HCRTR1: variants seen among roughly 807,000 people sequenced by gnomAD.
The protein encoded by HCRTR1 is orexin/Hypocretin receptor type 1.
Under a neutral mutation model 40.6 loss-of-function variants are expected in HCRTR1, and 28 were observed. That is an observed-to-expected ratio of 0.69 (90% confidence interval 0.51 to 0.95). HCRTR1 has a LOEUF of 0.95. Among genes scored for constraint, HCRTR1 ranks in the 40% least tolerant of loss-of-function variants. HCRTR1 has a pLI of 0.00. For synonymous variants in HCRTR1, 209 were observed against 230.0 expected, an observed-to-expected ratio of 0.91 and a Z score of 0.83; for missense variants, 482 against 564.7, an observed-to-expected ratio of 0.85 and a Z score of 1.48.
At chr1:31,623,416 C>A in intron 6 of HCRTR1, 107 bp from the exon 7 acceptor site, 1 of 815,748 alleles carries the variant, frequency 1.2e-6, no homozygotes, top group Non-Finnish European at 1.9e-6. Flanking sequence ...TATCCTTTTG[C>A]CCATCTCCAC....
Position 31,626,664 on chromosome 1 carries a change from A to AT in HCRTR1, c.1088-125dup. On this transcript the variant is annotated intron_variant, in intron 8 of 8. Coordinates refer to ENST00000403528, the MANE Select transcript of HCRTR1 (RefSeq NM_001525.3). This position sits in a 1 kb window ranked among gnomAD's most constrained non-coding sequence, Gnocchi z 4.6. The stretch of plus-strand genomic sequence containing the variant: ...CCTCAGGGCTCTCCCTCCCAGCTCT[A>AT]TCCCTCCCTCCCTCCCCGCCCCCTC... 2 of 845,618 alleles carry AT rather than the reference A, an allele frequency of 2.4e-6. No individual in the cohort carries two copies. Among genetic ancestry groups the AT allele is most frequent in the African/African-American group, 1.7e-5 (1 of 58,488 alleles). 52.4% of individuals were successfully genotyped at this position (845,618 alleles called of 1,614,324 possible).
chr1:31,628,685 G>A (rs545690478), downstream of HCRTR1, among the ~76,000 whole-genome samples: 37 of 152,336 alleles, frequency 2.4e-4, no homozygotes, highest in African/African-American at 7.5e-4. Context: ...ATGGCTGCAC[G>A]CTCTGCTGGC....
At chr1:31,623,324 AAAATG>A (rs1639900760) in intron 6 of HCRTR1, among the ~76,000 whole-genome samples, 194 bp from the exon 7 acceptor site, 1 of 152,006 alleles carries the variant, frequency 6.6e-6, no homozygotes, top group Non-Finnish European at 1.5e-5. Context: ...AAAAGAAAAG[AAAATG>A]AAAGTCTATC....
chr1:31,633,271 G>A (rs1386079715), downstream of HCRTR1: 2 of 1,614,070 alleles, frequency 1.2e-6, no homozygotes, highest in Admixed American at 3.3e-5. Context: ...CCACCGACTG[G>A]AACCAGGAGT....
At chr1:31,630,627 A>C, downstream of HCRTR1, 1 of 1,612,400 alleles carries the variant, frequency 6.2e-7, no homozygotes, top group Non-Finnish European at 8.5e-7. Flanking sequence ...AGCATCCGAG[A>C]AGCTGTCATG....
At chr1:31,619,775 A>G in intron 4 of HCRTR1, 65 bp downstream of exon 4, 1 of 1,463,280 alleles carries the variant, frequency 6.8e-7, no homozygotes, top group Non-Finnish European at 9.2e-7. Context: ...ACGGCCTTGC[A>G]TAGGTCTCAG....
At chr1:31,619,754 G>A (rs1188429054) in intron 4 of HCRTR1, 44 bp downstream of exon 4, 15 of 1,539,638 alleles carry the variant, frequency 9.7e-6, no homozygotes, top group Non-Finnish European at 1.3e-5. Context: ...TGTCACGCCT[G>A]TAAAAAACCC....
Position 31,623,709 on chromosome 1 carries a change from C to T in HCRTR1, c.925C>T (p.Leu309Phe). 6.2e-7 allele frequency: 1 copy of T among 1,614,186 alleles called. No homozygotes were observed. The highest frequency in any genetic ancestry group is 8.5e-7 in the Non-Finnish European group (1 of 1,180,036). Reference sequence around the variant, plus strand: ...GATGGTGGTGCTGCTGGTCTTCGCCCTCTGCTACCTGCCCATCAGCGTCCT... The same window carrying T: ...GATGGTGGTGCTGCTGGTCTTCGCCTTCTGCTACCTGCCCATCAGCGTCCT... ...MLMVVLLVFA[L>F]CYLPISVLNV... Residue 309 changes from leucine to phenylalanine, a missense_variant, in exon 7 of 9, where the codon CTC becomes TTC. Physicochemically the swap from Leu to Phe is conservative, Grantham distance 22. Coordinates refer to ENST00000403528, the MANE Select transcript of HCRTR1 (RefSeq NM_001525.3).
intron 7 of HCRTR1, 138 bp downstream of exon 7, chr1:31,623,887 C>G (rs1257824899): frequency 1.6e-6 from 1 of 636,490 alleles, no homozygotes; most frequent in East Asian, 2.8e-5. Context: ...CTCTGAGCCT[C>G]CATCTCCTAG....
chr1:31,630,615 A>AT (rs757941138), downstream of HCRTR1: 5 of 1,612,240 alleles, frequency 3.1e-6, no homozygotes, highest in Admixed American at 8.3e-5. Flanking sequence ...TGGTTGGGTC[A>AT]TAGCATCCGA....
chr1:31,623,233 T>C (rs1005551815), intron 6 of HCRTR1, among the ~76,000 whole-genome samples: 2 of 149,100 alleles, frequency 1.3e-5, no homozygotes, highest in African/African-American at 5.0e-5. Context: ...GGAGGCGAGA[T>C]TGAAGAGAGC....
chr1:31,619,761 A>C (rs1374180026), intron 4 of HCRTR1, 51 bp downstream of exon 4: 1 of 1,524,400 alleles, frequency 6.6e-7, no homozygotes. Flanking sequence ...CCTGTAAAAA[A>C]CCCACGGCCT....
downstream of HCRTR1, chr1:31,633,074 T>C (rs1640156893): frequency 6.9e-7 from 1 of 1,449,728 alleles, no homozygotes; most frequent in Non-Finnish European, 9.3e-7. Context: ...CTCTTCAGAA[T>C]GTCCACCCAC....
rs1005343328 is a variant in HCRTR1 at position 31,627,458 on chromosome 1, C to A, written c.*478C>A. 33 of 914,084 alleles carry A rather than the reference C, an allele frequency of 3.6e-5. No individual in the cohort carries two copies. The highest frequency in any genetic ancestry group is 3.3e-4 in the South Asian group (24 of 72,846). 56.6% of individuals were successfully genotyped at this position (914,084 alleles called of 1,614,324 possible). ...TAATCTGGGCCCAGCCTTTCTCCAG[C>A]GGGCCACGAGCACAGCCCCACCCTA... On this transcript the variant is annotated 3_prime_UTR_variant, in exon 9 of 9. Transcript: ENST00000403528.
rs1453146457 is a variant in HCRTR1, at chr1:31,623,504, C to T, written c.739-19C>T. 6.2e-7 allele frequency: 1 copy of T among 1,602,292 alleles called. No individual in the cohort carries two copies. The highest frequency in any genetic ancestry group is 1.3e-5 in the African/African-American group (1 of 74,880). ...AAGGTGCTGTACCCACCACTGCTGT[C>T]TCTATGTGTGCTGGACAGATCCCCG... On this transcript the variant is annotated intron_variant, in intron 6 of 8. Transcript: ENST00000403528.
chr1:31,632,167 G>C (rs1640123219), downstream of HCRTR1, among the ~76,000 whole-genome samples: 1 of 152,168 alleles, frequency 6.6e-6, no homozygotes, highest in Non-Finnish European at 1.5e-5. Flanking sequence ...TGGAGAGAAA[G>C]GAGTCACCCA....
downstream of HCRTR1, chr1:31,630,560 C>A: frequency 6.5e-7 from 1 of 1,534,016 alleles, no homozygotes; most frequent in East Asian, 2.3e-5. Flanking sequence ...TTCTCTCACT[C>A]TAAGAAGCCA....
In HCRTR1 at chr1:31,626,623, G is replaced by A. The variant is rs558213756; in HGVS notation, c.1088-167G>A. Among the ~76,000 whole-genome samples the A allele has an allele frequency of 4.6e-5, 7 of 152,174 alleles. No individual in the cohort carries two copies. Among genetic ancestry groups the A allele is most frequent in the African/African-American group, 1.7e-4 (7 of 41,500 alleles). ...TCCAGGGCTTCTGTCCTCTCTCTCTGGCGGTGCCGAGGTTGCCTCAGGGCT... is the reference window on the plus strand; with the variant it reads ...TCCAGGGCTTCTGTCCTCTCTCTCTAGCGGTGCCGAGGTTGCCTCAGGGCT... On this transcript the variant is annotated intron_variant, in intron 8 of 8. Coordinates refer to ENST00000403528, the MANE Select transcript of HCRTR1 (RefSeq NM_001525.3). The surrounding 1 kb of genome is among the most constrained non-coding windows in gnomAD (Gnocchi z 4.6).
intron 4 of HCRTR1, among the ~76,000 whole-genome samples, chr1:31,620,302 A>G (rs1639824704): frequency 6.6e-6 from 1 of 152,230 alleles, no homozygotes; most frequent in Non-Finnish European, 1.5e-5. Flanking sequence ...TCCCAGAATG[A>G]GGGCTTTTTC....
Sources: gnomAD v4.1 joint callset for allele counts (sites outside exome capture counted in the v4.1 genomes callset) on GRCh38, gnomAD v4.1.1 for gene constraint, Gnocchi (gnomAD v3.1) non-coding constraint, MANE v1.5 for transcripts, NCBI Gene and HGNC (gene_info 2026-07-23, HGNC 2026-07-21) for gene names.